MYZAP: variants seen among roughly 807,000 people sequenced by gnomAD.
The protein encoded by MYZAP is myocardial zonula adherens protein, also known as GRINL1A complex locus upstream.
A neutral mutation model predicts 69.4 loss-of-function variants in MYZAP; 66 were observed. The ratio of observed to expected loss-of-function variants is 0.95; its 90% CI spans 0.78 to 1.17. MYZAP has a LOEUF of 1.17. MYZAP is among the 50% of genes most tolerant of loss of function. The pLI is 0.00. For synonymous variants in MYZAP, 256 were observed against 205.9 expected (o/e 1.24, Z -2.09); for missense variants, 611 against 556.2 (o/e 1.10, Z -0.99).
intron 4 of MYZAP, among the ~76,000 whole-genome samples, chr15:57,623,288 CA>C (rs1437944389): frequency 6.6e-6 from 1 of 152,192 alleles, no homozygotes; most frequent in Non-Finnish European, 1.5e-5. Context: ...ATCAAAATTA[CA>C]GATGTTTAGA....
chr15:57,651,284 G>C (rs917135118), intron 10 of MYZAP, among the ~76,000 whole-genome samples: 18 of 152,136 alleles, frequency 1.2e-4, no homozygotes, highest in African/African-American at 4.3e-4. Flanking sequence ...CACTCCCTTG[G>C]ACACTCCTGT....
chr15:57,639,222 T>A (rs568889843), intron 9 of MYZAP, among the ~76,000 whole-genome samples: 1,592 of 151,932 alleles, frequency 0.01, 38 homozygotes, highest in African/African-American at 0.036. Context: ...TTATTTTTTT[T>A]TTTTGTGGAG....
At chr15:57,653,003 A>G (rs1216503757) in intron 10 of MYZAP, among the ~76,000 whole-genome samples, 1 of 152,140 alleles carries the variant, frequency 6.6e-6, no homozygotes, top group African/African-American at 2.4e-5. Flanking sequence ...ATCTTTGATA[A>G]CATTTTCAAT....
chr15:57,658,495 C>T (rs2038115877), intron 10 of MYZAP, among the ~76,000 whole-genome samples: 1 of 152,228 alleles, frequency 6.6e-6, no homozygotes, highest in Non-Finnish European at 1.5e-5. Flanking sequence ...GTCTCCTAAT[C>T]TAGAGCATTG....
chr15:57,635,418 G>A (rs1224355413), intron 8 of MYZAP, among the ~76,000 whole-genome samples: 1 of 152,190 alleles, frequency 6.6e-6, no homozygotes, highest in Admixed American at 6.5e-5. Context: ...CTTCATTGCT[G>A]TCTTGAGGTT....
chr15:57,645,780 C>G (rs1336335957), intron 10 of MYZAP, among the ~76,000 whole-genome samples: 1 of 152,220 alleles, frequency 6.6e-6, no homozygotes, highest in Non-Finnish European at 1.5e-5. Flanking sequence ...TGGCCACATT[C>G]AATCTTTGGG....
At chr15:57,594,418 C>G (rs1255821884) in intron 1 of MYZAP, among the ~76,000 whole-genome samples, 1 of 152,204 alleles carries the variant, frequency 6.6e-6, no homozygotes, top group Non-Finnish European at 1.5e-5. Context: ...GCCCCGCCTA[C>G]TGGTGATGTT....
At chr15:57,684,373 T>C (rs1242851366) in intron 12 of MYZAP, 29 bp from the exon 13 acceptor site, 3 of 1,525,956 alleles carry the variant, frequency 2.0e-6, no homozygotes, top group South Asian at 2.3e-5. Flanking sequence ...TTGTTTCATT[T>C]TCCTGACCTG....
In MYZAP at chr15:57,684,558, A is replaced by C; in HGVS notation, c.*60A>C. On this transcript the variant is annotated 3_prime_UTR_variant, in exon 13 of 13. Transcript: ENST00000267853. Reference sequence around the variant, plus strand: ...AAAGCTCTGGAACCCTGTGGCTTCAAATCCTTTGGGAAGGGTGACTGTTGT... The same window carrying C: ...AAAGCTCTGGAACCCTGTGGCTTCACATCCTTTGGGAAGGGTGACTGTTGT... 1 of 1,109,242 alleles carries C rather than the reference A, an allele frequency of 9.0e-7. No individual in the cohort carries two copies. Among genetic ancestry groups the C allele is most frequent in the South Asian group, 1.3e-5 (1 of 76,142 alleles). The allele number at this position is 1,109,242 out of a possible 1,614,324, so 68.7% of individuals were successfully genotyped here.
chr15:57,647,864 C>G, intron 10 of MYZAP: 1 of 985,394 alleles, frequency 1.0e-6, no homozygotes. Flanking sequence ...CTCTTTCCTG[C>G]CTGTACTGTG....
intron 10 of MYZAP, among the ~76,000 whole-genome samples, chr15:57,645,895 G>A (rs1033608941): frequency 5.9e-5 from 9 of 152,188 alleles, no homozygotes; most frequent in African/African-American, 1.7e-4. Context: ...ATTTAAATTT[G>A]CTTCATCGCA....
Position 57,669,022 on chromosome 15 carries a change from C to G in MYZAP, c.1204-5946C>G, listed in dbSNP as rs1046129896. Reference sequence around the variant, plus strand: ...TCCTACCTCTCAGCCTCCTGAGTAGCTGGCACTGCAGGTGCATGCCACCAC... The same window carrying G: ...TCCTACCTCTCAGCCTCCTGAGTAGGTGGCACTGCAGGTGCATGCCACCAC... On this transcript the variant is annotated intron_variant, in intron 11 of 12. Coordinates refer to ENST00000267853, the MANE Select transcript of MYZAP (RefSeq NM_001018100.5). 3.3e-5 allele frequency among the ~76,000 whole-genome samples: 5 copies of G among 151,884 alleles called. No individual in the cohort carries two copies. The South Asian group carries it at 8.3e-4, about 25-fold the overall frequency.
intron 8 of MYZAP, among the ~76,000 whole-genome samples, chr15:57,634,454 G>C (rs1188245438): frequency 6.6e-6 from 1 of 152,190 alleles, no homozygotes; most frequent in Non-Finnish European, 1.5e-5. Flanking sequence ...AGTTTGCAGA[G>C]AGCAGTGACC....
At chr15:57,670,346 T>C (rs1184652291) in intron 11 of MYZAP, among the ~76,000 whole-genome samples, 5 of 152,080 alleles carry the variant, frequency 3.3e-5, no homozygotes, top group Non-Finnish European at 5.9e-5. Flanking sequence ...TGTTGGTCCC[T>C]ACCTTTGTCA....
At chr15:57,618,443 C>T (rs1435739857) in intron 3 of MYZAP, among the ~76,000 whole-genome samples, 1 of 152,198 alleles carries the variant, frequency 6.6e-6, no homozygotes, top group East Asian at 1.9e-4. Flanking sequence ...CAGATGGCTT[C>T]CTCCTTCCGT....
intron 10 of MYZAP, among the ~76,000 whole-genome samples, chr15:57,651,327 T>C (rs1179749283): frequency 6.6e-6 from 1 of 152,184 alleles, no homozygotes; most frequent in Non-Finnish European, 1.5e-5. Flanking sequence ...TGAAACTGAA[T>C]TCATCGAGAA....
chr15:57,658,510 C>T (rs1247425062), intron 10 of MYZAP, among the ~76,000 whole-genome samples: 4 of 152,128 alleles, frequency 2.6e-5, no homozygotes, highest in African/African-American at 7.2e-5. Flanking sequence ...GCATTGCTGC[C>T]CCATCTCTCC....
chr15:57,681,309 C>T (rs1301083332), intron 12 of MYZAP, among the ~76,000 whole-genome samples: 2 of 152,188 alleles, frequency 1.3e-5, no homozygotes, highest in African/African-American at 4.8e-5. Context: ...ACACTGGGAC[C>T]ACTTACTTCT....
intron 6 of MYZAP, 60 bp from the exon 7 acceptor site, chr15:57,632,374 A>G: frequency 6.2e-7 from 1 of 1,608,524 alleles, no homozygotes; most frequent in Admixed American, 1.7e-5. Context: ...TGTGCAGTGG[A>G]AGCTGCCAAT....
Sources: allele counts gnomAD v4.1 joint callset (sites outside exome capture counted in the v4.1 genomes callset), GRCh38; gene constraint gnomAD v4.1.1; transcripts MANE v1.5; gene names NCBI Gene and HGNC (gene_info 2026-07-23, HGNC 2026-07-21).